Variants in DICER1 observed in about 807,000 individuals in gnomAD.
DICER1 encodes dicer 1, ribonuclease III.
Under a neutral mutation model 194.1 loss-of-function variants are expected in DICER1, and 43 were observed. The observed-to-expected ratio is 0.22, with a 90% CI of 0.17 to 0.29. The LOEUF (loss-of-function observed/expected upper bound fraction) is 0.29. Ranked by LOEUF, DICER1 falls within the 10% of genes least tolerant of loss-of-function variation. The pLI, the probability that DICER1 is intolerant of heterozygous loss-of-function variation, is 1.00. For synonymous variants in DICER1, 832 were observed against 820.5 expected, an observed-to-expected ratio of 1.01 and a Z score of -0.24; for missense variants, 1,608 against 2,317.0, an observed-to-expected ratio of 0.69 and a Z score of 6.28.
chr14:95,129,894 T>C (rs1300932401), intron 5 of DICER1, among the ~76,000 whole-genome samples, 164 bp downstream of exon 5: 3 of 152,194 alleles, frequency 2.0e-5, no homozygotes, highest in African/African-American at 7.2e-5. Flanking sequence ...TAAAAGTTTA[T>C]TATAGATTTA....
intron 26 of DICER1, 111 bp downstream of exon 26, chr14:95,090,923 C>A: frequency 9.1e-7 from 1 of 1,100,502 alleles, no homozygotes; most frequent in South Asian, 1.3e-5. Flanking sequence ...CTGACAACAG[C>A]ACACCACAGT....
chr14:95,099,235 T>C (rs575098221), intron 22 of DICER1, among the ~76,000 whole-genome samples: 44 of 152,234 alleles, frequency 2.9e-4, no homozygotes, highest in Admixed American at 2.8e-3. Context: ...TTGCTGATAT[T>C]TGGAGTCTTC....
Position 95,146,291 on chromosome 14 carries a change from T to C in DICER1, c.-46+10939A>G, listed in dbSNP as rs183175543. Among the ~76,000 whole-genome samples, 3 of 152,362 alleles carry C rather than the reference T, an allele frequency of 2.0e-5. No individual in the cohort carries two copies. The East Asian group carries it at 5.8e-4, about 29-fold the overall frequency. ...TGCCATTTGGCACACTTTCCTCTGA[T>C]TGATCCTCACCCTTCACCTATCTTA... On this transcript the variant is annotated intron_variant, in intron 1 of 26. Transcript: ENST00000343455.
At chr14:95,152,869 T>C (rs938065184) in intron 1 of DICER1, among the ~76,000 whole-genome samples, 5 of 152,188 alleles carry the variant, frequency 3.3e-5, no homozygotes, top group African/African-American at 1.2e-4. Flanking sequence ...ATTCATCAAG[T>C]ATACACCACG....
At chr14:95,126,819 AAGC>A in intron 6 of DICER1, 71 bp from the exon 7 acceptor site, 1 of 993,892 alleles carries the variant, frequency 1.0e-6, no homozygotes, top group Middle Eastern at 2.6e-4. Context: ...GTTTTTCAAA[AAGC>A]AAAAAAAAAA....
chr14:95,122,948 G>C (rs74076802), intron 8 of DICER1, among the ~76,000 whole-genome samples: 2 of 132,638 alleles, frequency 1.5e-5, no homozygotes, highest in Admixed American at 7.7e-5. Context: ...GCGCGCGCGC[G>C]CACACACACA....
rs878855274 is a variant in DICER1 at position 95,093,935 on chromosome 14, CAA to C, written c.5315_5316del (p.Phe1772CysfsTer6). The C allele has an allele frequency of 6.2e-7, 1 of 1,614,048 alleles. No homozygotes were observed. Among genetic ancestry groups the C allele is most frequent in the Non-Finnish European group, 8.5e-7 (1 of 1,180,030 alleles). On this transcript the variant is annotated frameshift_variant, in exon 24 of 27. Transcript: ENST00000343455. LOFTEE classifies it high-confidence loss of function. ...TCATTCTTCTCAAGCTGAAACTGCACAAAGTCATCAATGACATGGAAGAGCTC... is the reference window on the plus strand; with the variant it reads ...TCATTCTTCTCAAGCTGAAACTGCACAGTCATCAATGACATGGAAGAGCTC... ...SPELFHVIDD[F>X]VQFQLEKNEM...
Position 95,107,778 on chromosome 14 carries a change from G to A in DICER1, c.2651-17C>T, listed in dbSNP as rs992475406. 9.3e-6 allele frequency: 15 copies of A among 1,612,148 alleles called. No homozygotes were observed. The highest frequency in any genetic ancestry group is 4.0e-5 in the African/African-American group (3 of 74,730). Reference sequence around the variant, plus strand: ...AGTCATTAACTTAGAAGAGAAAAACGACTCTTTAGCTTGTTAAAACATGAT... The same window carrying A: ...AGTCATTAACTTAGAAGAGAAAAACAACTCTTTAGCTTGTTAAAACATGAT... On this transcript the variant is annotated splice_polypyrimidine_tract_variant and intron_variant, in intron 16 of 26. Transcript: ENST00000343455.
At chr14:95,143,679 T>C (rs1219262169) in intron 1 of DICER1, among the ~76,000 whole-genome samples, 3 of 152,196 alleles carry the variant, frequency 2.0e-5, no homozygotes, top group Non-Finnish European at 4.4e-5. Flanking sequence ...GTCTTTGCCA[T>C]CCCTTTAGTG....
intron 6 of DICER1, among the ~76,000 whole-genome samples, chr14:95,128,119 TA>T (rs1893637285): frequency 6.6e-6 from 1 of 152,212 alleles, no homozygotes. Context: ...ATGCCTTTCA[TA>T]AAAAATGACC....
At position 95,090,421 on chromosome 14, in the gene DICER1, TCTTC is replaced by T; in HGVS notation, c.*73_*76del. On this transcript the variant is annotated 3_prime_UTR_variant, in exon 27 of 27. Transcript: ENST00000343455. ...CATTCCACTCACTAACAACTTTAAG[TCTTC>T]CTTTCCGATTTAAATAATTTTCCCC... 1 of 1,538,236 alleles carries T rather than the reference TCTTC, an allele frequency of 6.5e-7. No homozygotes were observed. The highest frequency in any genetic ancestry group is 1.1e-5 in the South Asian group (1 of 89,114).
intron 1 of DICER1, among the ~76,000 whole-genome samples, chr14:95,138,825 G>A (rs892287833): frequency 8.3e-6 from 1 of 121,042 alleles, no homozygotes; most frequent in Non-Finnish European, 1.7e-5. Flanking sequence ...GGTGGGGTCG[G>A]GGGAGGGGGG....
At position 95,112,111 on chromosome 14, in the gene DICER1, C is replaced by CT. The variant is rs138357816; in HGVS notation, c.2116+60dup. ...ACAGATCTATAAAGTCCTCTATATG[C>CT]TTTTTTTTTACAATGGTTGCAATTT... On this transcript the variant is annotated intron_variant, in intron 13 of 26. Coordinates refer to ENST00000343455, the MANE Select transcript of DICER1 (RefSeq NM_177438.3). 15,563 of 1,428,536 alleles carry CT rather than the reference C, an allele frequency of 0.011. 671 individuals carry two copies. In the African/African-American group the frequency reaches 0.15, roughly 13 times the overall value. 88.5% of individuals were successfully genotyped at this position (1,428,536 alleles called of 1,614,324 possible).
intron 1 of DICER1, among the ~76,000 whole-genome samples, chr14:95,140,103 A>G (rs1392040429): frequency 1.3e-5 from 2 of 152,344 alleles, no homozygotes; most frequent in Admixed American, 1.3e-4. Context: ...ACTGGCTACC[A>G]TTAACTGCTT....
At chr14:95,144,724 C>A (rs1895027423) in intron 1 of DICER1, among the ~76,000 whole-genome samples, 1 of 152,096 alleles carries the variant, frequency 6.6e-6, no homozygotes, top group South Asian at 2.1e-4. Context: ...ACCACAAACT[C>A]CTGAATGGGG....
Position 95,124,942 on chromosome 14 carries a change from C to T in DICER1, c.904-274G>A, listed in dbSNP as rs562984108. 3.2e-4 allele frequency among the ~76,000 whole-genome samples: 48 copies of T among 152,306 alleles called. 1 individual carries two copies. The South Asian group carries it at 9.5e-3, about 30-fold the overall frequency. On this transcript the variant is annotated intron_variant, in intron 7 of 26. Coordinates refer to ENST00000343455, the MANE Select transcript of DICER1 (RefSeq NM_177438.3). This position sits in a 1 kb window ranked among gnomAD's most constrained non-coding sequence, Gnocchi z 4.5. Reference sequence around the variant, plus strand: ...AGGTTAATGAAGCTTATTTTTAGATCTGTAATTAGTTAAAACTATACCTGA... The same window carrying T: ...AGGTTAATGAAGCTTATTTTTAGATTTGTAATTAGTTAAAACTATACCTGA...
intron 2 of DICER1, 137 bp downstream of exon 2, chr14:95,133,178 A>C: frequency 2.4e-6 from 2 of 841,460 alleles, no homozygotes; most frequent in Non-Finnish European, 1.9e-6. Flanking sequence ...TAAGAATAAA[A>C]GTATTTTAAA....
chr14:95,114,759 C>A (rs533508351), intron 11 of DICER1, among the ~76,000 whole-genome samples: 1 of 152,232 alleles, frequency 6.6e-6, no homozygotes, highest in Admixed American at 6.5e-5. Context: ...ACATGGTGTG[C>A]GACTTGGTAA....
chr14:95,117,676 C>G lies in DICER1; in HGVS notation c.1455G>C (p.Gly485=). 6.2e-7 allele frequency: 1 copy of G among 1,614,066 alleles called. No homozygotes were observed. The highest frequency in any genetic ancestry group is 2.2e-5 in the East Asian group (1 of 44,872). The change falls in exon 9 of 27, where the codon GGG becomes GGC. Residue 485 remains glycine (G), a synonymous_variant. Coordinates refer to ENST00000343455, the MANE Select transcript of DICER1 (RefSeq NM_177438.3). ...SSNFITGHGI[G]KNQPRNKQME... is the part of the protein sequence containing the mutation. ...TCTGTTTGTTGCGAGGCTGATTCTT[C>G]CCAATGCCATGTCCAGTTATGAAAT... is the stretch of plus-strand genomic sequence containing the variant.
Sources: allele counts gnomAD v4.1 joint callset (sites outside exome capture counted in the v4.1 genomes callset), GRCh38; gene constraint gnomAD v4.1.1; non-coding constraint Gnocchi (gnomAD v3.1); transcripts MANE v1.5; gene names NCBI Gene and HGNC (gene_info 2026-07-23, HGNC 2026-07-21).